The following RFC1 variants were observed in gnomAD, a reference collection of about 807,000 sequenced individuals.
The protein encoded by RFC1 is A1 140 kDa subunit.
A neutral mutation model predicts 137.4 loss-of-function variants in RFC1; 37 were observed. The observed-to-expected ratio is 0.27, with a 90% CI of 0.21 to 0.35. RFC1 has a LOEUF of 0.35. Ranked by LOEUF, RFC1 falls within the 10% of genes least tolerant of loss-of-function variation. RFC1 has a pLI of 1.00. For missense variants in RFC1, 1,205 were observed against 1,358.5 expected (o/e 0.89, Z 1.78); for synonymous variants, 429 against 455.7 (o/e 0.94, Z 0.75).
At chr4:39,354,312 GTCCTTAATT>G (rs1242244427) in intron 1 of RFC1, among the ~76,000 whole-genome samples, 1 of 152,166 alleles carries the variant, frequency 6.6e-6, no homozygotes, top group Non-Finnish European at 1.5e-5. Flanking sequence ...TCAGCAATTT[GTCCTTAATT>G]TATAGCACGT....
Position 39,345,411 on chromosome 4 carries a change from G to C in RFC1, c.198C>G (p.Ile66Met), listed in dbSNP as rs1319253803. The C allele has an allele frequency of 3.1e-6, 5 of 1,613,538 alleles. No individual in the cohort carries two copies. The highest frequency in any genetic ancestry group is 4.2e-6 in the Non-Finnish European group (5 of 1,179,722). ...AGAAGAAATTATTACCTGAATCATA[G>C]ATGATCCTCTTTTTCTTGCTTGGTT... ...QKQPSKKKRI[I>M]YDSDSESEET... The change falls in exon 3 of 25, where the codon ATC becomes ATG. Residue 66 changes from isoleucine (I) to methionine (M), a missense_variant. Around this residue, in one of 3 missense-constraint regions of RFC1, gnomAD observed 962 missense variants for 1,035.3 expected, o/e 0.93. Coordinates refer to ENST00000349703, the MANE Select transcript of RFC1 (RefSeq NM_002913.5).
At chr4:39,351,513 T>C (rs1190343717) in intron 1 of RFC1, 37 bp from the exon 2 acceptor site, 2 of 1,487,368 alleles carry the variant, frequency 1.3e-6, no homozygotes. Flanking sequence ...GAATAAACAT[T>C]AACCGCATAA....
At chr4:39,364,335 T>C (rs1433216042) in intron 1 of RFC1, among the ~76,000 whole-genome samples, 1 of 151,970 alleles carries the variant, frequency 6.6e-6, no homozygotes, top group Non-Finnish European at 1.5e-5. Flanking sequence ...GTTGAATCAA[T>C]TTTAGTCTAG....
chr4:39,331,813 A>C (rs9999877), intron 4 of RFC1, among the ~76,000 whole-genome samples: 13,345 of 152,158 alleles, frequency 0.088, 1,980 homozygotes, highest in African/African-American at 0.3. Context: ...AACATTAACA[A>C]TTTTTATCTC....
intron 5 of RFC1, among the ~76,000 whole-genome samples, chr4:39,326,982 A>G (rs1739804149): frequency 1.3e-5 from 2 of 152,224 alleles, no homozygotes; most frequent in Non-Finnish European, 2.9e-5. Flanking sequence ...GAATGATTAC[A>G]TTGTTCTATG....
intron 4 of RFC1, among the ~76,000 whole-genome samples, chr4:39,330,633 G>C (rs1374739224): frequency 6.6e-6 from 1 of 152,038 alleles, no homozygotes; most frequent in Non-Finnish European, 1.5e-5. Context: ...AGGTGCAAAA[G>C]GTTTATTTCT....
intron 10 of RFC1, among the ~76,000 whole-genome samples, chr4:39,316,336 A>G (rs1161097399): frequency 6.6e-6 from 1 of 152,194 alleles, no homozygotes; most frequent in Non-Finnish European, 1.5e-5. Context: ...TCCCTTGGTC[A>G]CTATGCTCCA....
intron 4 of RFC1, among the ~76,000 whole-genome samples, chr4:39,334,782 T>C (rs973718959): frequency 5.3e-5 from 8 of 152,234 alleles, no homozygotes; most frequent in African/African-American, 1.9e-4. Flanking sequence ...ACACCATTTA[T>C]TTTTATTTAT....
chr4:39,342,073 T>C (rs1358741617), intron 4 of RFC1, among the ~76,000 whole-genome samples: 1 of 152,152 alleles, frequency 6.6e-6, no homozygotes, highest in Non-Finnish European at 1.5e-5. Flanking sequence ...AACAACCCAA[T>C]ACTATTTTAA....
chr4:39,318,372 C>G (rs1263966236), intron 9 of RFC1, among the ~76,000 whole-genome samples: 1 of 152,178 alleles, frequency 6.6e-6, no homozygotes, highest in African/African-American at 2.4e-5. Flanking sequence ...ACAAGTTTCA[C>G]AAGAGAGTCC....
chr4:39,366,231 C>G lies in RFC1; in HGVS notation c.3+8G>C. ...CCCCGAGCCGCACGGCCTCCCCCAG[C>G]GGCTCACCATCGCAGCCCCAGGATG... On this transcript the variant is annotated splice_region_variant and intron_variant, in intron 1 of 24. Coordinates refer to ENST00000349703, the MANE Select transcript of RFC1 (RefSeq NM_002913.5). 1 of 1,551,840 alleles carries G rather than the reference C, an allele frequency of 6.4e-7. No homozygotes were observed. Among genetic ancestry groups the G allele is most frequent in the Non-Finnish European group, 8.7e-7 (1 of 1,147,736 alleles).
intron 7 of RFC1, 75 bp downstream of exon 7, chr4:39,323,265 G>C: frequency 9.6e-7 from 1 of 1,037,214 alleles, no homozygotes; most frequent in Non-Finnish European, 1.4e-6. Flanking sequence ...GTTTTGGCTA[G>C]AGCCTAGAAC....
chr4:39,325,984 G>T (rs990459988), intron 6 of RFC1, among the ~76,000 whole-genome samples: 1 of 152,102 alleles, frequency 6.6e-6, no homozygotes, highest in Non-Finnish European at 1.5e-5. Context: ...CCAACAATTT[G>T]GGAGGCCAAG....
Position 39,341,862 on chromosome 4 carries a change from C to T in RFC1, c.331+483G>A, listed in dbSNP as rs17334777. 1.3e-3 allele frequency among the ~76,000 whole-genome samples: 193 copies of T among 152,278 alleles called. 4 individuals are homozygous for T. The East Asian group carries it at 0.034, about 27-fold the overall frequency. On this transcript the variant is annotated intron_variant, in intron 4 of 24. Coordinates refer to ENST00000349703, the MANE Select transcript of RFC1 (RefSeq NM_002913.5). ...CTTTGCACTTTCATTACTCTTAAAA[C>T]AGATGTAACAGAACTAAATTTAAGT...
intron 1 of RFC1, among the ~76,000 whole-genome samples, chr4:39,354,793 C>CTACA (rs1190353680): frequency 7.0e-6 from 1 of 143,360 alleles, no homozygotes; most frequent in African/African-American, 2.6e-5. Flanking sequence ...TTAAAAACAT[C>CTACA]TACAACAGGC....
chr4:39,337,661 AT>A lies in RFC1; in HGVS notation c.331+4683del, dbSNP rs759144831. The stretch of plus-strand genomic sequence containing the variant: ...TATCACTCTAGGTTTCCCTGCAAAC[AT>A]CTAAGAGAAGCTCTCTATCATATAC... On this transcript the variant is annotated intron_variant, in intron 4 of 24. Coordinates refer to ENST00000349703, the MANE Select transcript of RFC1 (RefSeq NM_002913.5). Among the ~76,000 whole-genome samples the A allele has an allele frequency of 9.5e-4, 144 of 152,314 alleles. 1 individual carries two copies. The highest frequency in any genetic ancestry group is 6.8e-3 in the Middle Eastern group (2 of 294).
chr4:39,320,598 T>C lies in RFC1; in HGVS notation c.880A>G (p.Lys294Glu), dbSNP rs372173606. 13 of 1,613,054 alleles carry C rather than the reference T, an allele frequency of 8.1e-6. No individual in the cohort carries two copies. Among genetic ancestry groups the C allele is most frequent in the Non-Finnish European group, 1.1e-5 (13 of 1,179,782 alleles). ...GACTTGGAATGTTGCTGAGATTCTT[T>C]TGAACTTTCATATTTACTTTGCTTC... Reference protein sequence around the residue: ...PRKQSKYESSKESQQHSKSSA... With the variant: ...PRKQSKYESSEESQQHSKSSA... Residue 294 changes from lysine to glutamate, a missense_variant, in exon 9 of 25, where the codon AAA (lysine) becomes GAA (glutamate). Lys to Glu is a moderately conservative substitution (Grantham distance 56). Transcript: ENST00000349703.
Position 39,302,281 on chromosome 4 carries a change from TTTGATA to T in RFC1, c.2526_2531del (p.Asp842_Lys844delinsGlu). ...AAGACATGGACATTTATTTTACCAT[TTTGATA>T]TCCTTTTTGGCTCTGTGAGAATCAG... On this transcript the variant is annotated inframe_deletion, in exon 19 of 25. Transcript: ENST00000349703. The T allele has an allele frequency of 6.2e-7, 1 of 1,600,530 alleles. No individual in the cohort carries two copies. The highest frequency in any genetic ancestry group is 1.7e-4 in the Middle Eastern group (1 of 6,030).
At chr4:39,293,440 A>G (rs1276510191) in intron 22 of RFC1, among the ~76,000 whole-genome samples, 1 of 152,214 alleles carries the variant, frequency 6.6e-6, no homozygotes, top group Non-Finnish European at 1.5e-5. Context: ...AATAAAAATC[A>G]AAGCATTCAG....
Sources: gnomAD v4.1 joint callset for allele counts (sites outside exome capture counted in the v4.1 genomes callset) on GRCh38, gnomAD v4.1.1 for gene constraint, gnomAD v4.1.1 regional missense constraint, MANE v1.5 for transcripts, NCBI Gene and HGNC (gene_info 2026-07-23, HGNC 2026-07-21) for gene names.